Variants in LIN7A observed in about 807,000 individuals in gnomAD.
The protein encoded by LIN7A is lin-7 cell polarity scaffold A.
Under a neutral mutation model 29.8 loss-of-function variants are expected in LIN7A, and 25 were observed. That is an observed-to-expected ratio of 0.84 (90% CI 0.61 to 1.17). The LOEUF (loss-of-function observed/expected upper bound fraction) is 1.17. Ranked by LOEUF, LIN7A falls within the 50% of genes most tolerant of loss-of-function variation. The probability of loss-of-function intolerance (pLI) is 0.00; values close to 1 mark genes in which losing one functional copy is unlikely to be tolerated. For synonymous variants in LIN7A, 118 were observed against 107.5 expected (o/e 1.10, Z -0.60); for missense variants, 239 against 287.0 (o/e 0.83, Z 1.21).
intron 1 of LIN7A, among the ~76,000 whole-genome samples, chr12:80,894,911 AG>A (rs1442316813): frequency 1.3e-5 from 2 of 152,176 alleles, no homozygotes; most frequent in African/African-American, 2.4e-5. Flanking sequence ...CAGAAAGATG[AG>A]TCATCTGGCC....
chr12:80,902,404 G>A (rs939525527), intron 1 of LIN7A, among the ~76,000 whole-genome samples: 5 of 152,020 alleles, frequency 3.3e-5, no homozygotes, highest in Non-Finnish European at 5.9e-5. Flanking sequence ...TGTGAAGAAC[G>A]TCATTAGTAG....
intron 5 of LIN7A, among the ~76,000 whole-genome samples, chr12:80,800,529 T>G (rs1300668097): frequency 2.3e-5 from 3 of 132,940 alleles, no homozygotes; most frequent in Non-Finnish European, 3.1e-5. Context: ...AGACACAATC[T>G]GCTAAAACTC....
At chr12:80,842,181 T>G (rs1486848076) in intron 4 of LIN7A, 3 of 1,233,542 alleles carry the variant, frequency 2.4e-6, no homozygotes, top group Non-Finnish European at 3.2e-6. Context: ...TTATTTTTAT[T>G]TATTGATTTC....
At chr12:80,839,395 A>T (rs1480478353) in intron 4 of LIN7A, among the ~76,000 whole-genome samples, 1 of 152,186 alleles carries the variant, frequency 6.6e-6, no homozygotes, top group Non-Finnish European at 1.5e-5. Flanking sequence ...GAGGATCATT[A>T]CGGGTAAATA....
At chr12:80,864,729 T>C (rs1173293799) in intron 2 of LIN7A, among the ~76,000 whole-genome samples, 5 of 152,210 alleles carry the variant, frequency 3.3e-5, no homozygotes, top group African/African-American at 1.2e-4. Context: ...CATTTTTTAA[T>C]GTGAATAATA....
chr12:80,804,964 T>C (rs1167220552), intron 5 of LIN7A, among the ~76,000 whole-genome samples: 1 of 152,184 alleles, frequency 6.6e-6, no homozygotes, highest in Non-Finnish European at 1.5e-5. Context: ...AAATCTTGGC[T>C]AATGTGAACA....
At position 80,935,860 on chromosome 12, in the gene LIN7A, G is replaced by C. The variant is rs578011039; in HGVS notation, c.82+1781C>G. 2.4e-5 allele frequency: 11 copies of C among 450,864 alleles called. No individual in the cohort carries two copies. The East Asian group carries it at 6.4e-4, about 26-fold the overall frequency. 27.9% of individuals were successfully genotyped at this position (450,864 alleles called of 1,614,324 possible). A position where few individuals can be genotyped will look rare whatever the true frequency, so the allele number is the denominator to read the frequency against. On this transcript the variant is annotated intron_variant, in intron 1 of 5. Coordinates refer to ENST00000552864, the MANE Select transcript of LIN7A (RefSeq NM_004664.4). ...AAACTTTAAAAATAAATCTTAGTCC[G>C]ATTAGCACCTCCTCTCATCAACCGA...
At chr12:80,842,371 T>C (rs1012951338) in intron 4 of LIN7A, among the ~76,000 whole-genome samples, 1 of 152,098 alleles carries the variant, frequency 6.6e-6, no homozygotes, top group Non-Finnish European at 1.5e-5. Flanking sequence ...TTTTATATTT[T>C]GCCTGCATTT....
chr12:80,915,183 A>T (rs1876971032), intron 1 of LIN7A, among the ~76,000 whole-genome samples: 1 of 151,752 alleles, frequency 6.6e-6, no homozygotes. Context: ...AACAAAAAAA[A>T]TTAACCCCAT....
At chr12:80,865,777 C>G (rs1874106188) in intron 2 of LIN7A, among the ~76,000 whole-genome samples, 1 of 152,182 alleles carries the variant, frequency 6.6e-6, no homozygotes, top group Non-Finnish European at 1.5e-5. Context: ...TTCCCTTCCT[C>G]AAAATAAGTG....
At chr12:80,868,514 G>A (rs1019611131) in intron 2 of LIN7A, among the ~76,000 whole-genome samples, 4 of 152,186 alleles carry the variant, frequency 2.6e-5, no homozygotes, top group African/African-American at 9.7e-5. Context: ...GTTGCAGTGG[G>A]CCGAGATTGC....
intron 2 of LIN7A, among the ~76,000 whole-genome samples, chr12:80,854,942 A>T (rs1873524157): frequency 6.6e-6 from 1 of 152,174 alleles, no homozygotes; most frequent in African/African-American, 2.4e-5. Flanking sequence ...CATGACATTC[A>T]TCCTCATTCC....
At chr12:80,844,342 T>G (rs2121548773) in intron 4 of LIN7A, among the ~76,000 whole-genome samples, 1 of 152,296 alleles carries the variant, frequency 6.6e-6, no homozygotes, top group African/African-American at 2.4e-5. Flanking sequence ...AATTTTGATA[T>G]ACATTAGAGG....
At chr12:80,862,704 T>C (rs1282193476) in intron 2 of LIN7A, among the ~76,000 whole-genome samples, 2 of 151,872 alleles carry the variant, frequency 1.3e-5, no homozygotes, top group African/African-American at 2.4e-5. Context: ...AACAGCAAAA[T>C]CACCAAGAAA....
intron 1 of LIN7A, among the ~76,000 whole-genome samples, chr12:80,904,817 A>G (rs550859790): frequency 2.0e-5 from 3 of 152,208 alleles, no homozygotes; most frequent in East Asian, 1.9e-4. Flanking sequence ...TATGCTTCAT[A>G]TATACCTATA....
At chr12:80,848,072 C>CGG in intron 3 of LIN7A, 179 bp downstream of exon 3, 1 of 687,348 alleles carries the variant, frequency 1.5e-6, no homozygotes, top group Non-Finnish European at 2.7e-6. Context: ...GCAGCAGAAA[C>CGG]GTTCAATTTT....
chr12:80,874,797 C>T (rs1411188051), intron 2 of LIN7A, among the ~76,000 whole-genome samples: 1 of 152,156 alleles, frequency 6.6e-6, no homozygotes, highest in Non-Finnish European at 1.5e-5. Flanking sequence ...TCCTGGCTAA[C>T]ACGGTGAAGC....
chr12:80,798,314 G>C (rs898679272), intron 5 of LIN7A, among the ~76,000 whole-genome samples: 3 of 152,186 alleles, frequency 2.0e-5, no homozygotes, highest in African/African-American at 7.2e-5. Flanking sequence ...TTCTTTCAGA[G>C]AGAACAGTGA....
chr12:80,874,890 A>G (rs1208195116), intron 2 of LIN7A, among the ~76,000 whole-genome samples: 1 of 152,058 alleles, frequency 6.6e-6, no homozygotes, highest in Non-Finnish European at 1.5e-5. Flanking sequence ...GAGCTGAGGT[A>G]CTCGGGAGGC....
Sources: gnomAD v4.1 joint callset for allele counts (sites outside exome capture counted in the v4.1 genomes callset) on GRCh38, gnomAD v4.1.1 for gene constraint, MANE v1.5 for transcripts, NCBI Gene and HGNC (gene_info 2026-07-23, HGNC 2026-07-21) for gene names.